FBXW7: variants seen among roughly 807,000 people sequenced by gnomAD.
FBXW7 encodes F-box/WD repeat-containing protein 7.
Under a neutral mutation model 86.3 loss-of-function variants are expected in FBXW7, and 11 were observed. The ratio of observed to expected loss-of-function variants is 0.13; its 90% CI spans 0.08 to 0.21. The LOEUF is 0.21. Among genes scored for constraint, FBXW7 ranks in the 10% least tolerant of loss-of-function variants. The pLI is 1.00. For synonymous variants in FBXW7, 313 were observed against 297.9 expected (o/e 1.05, Z -0.52); for missense variants, 488 against 847.4 (o/e 0.58, Z 5.27).
At chr4:152,461,902 C>T (rs1742985755) in intron 2 of FBXW7, among the ~76,000 whole-genome samples, 1 of 152,174 alleles carries the variant, frequency 6.6e-6, no homozygotes. Context: ...CAGCAAGGTC[C>T]TTGAATACTG....
chr4:152,422,868 C>T (rs188387887), intron 2 of FBXW7, among the ~76,000 whole-genome samples: 1 of 152,278 alleles, frequency 6.6e-6, no homozygotes, highest in African/African-American at 2.4e-5. Context: ...TTAATCTTGA[C>T]CATTTTTAAG....
At chr4:152,443,544 G>A (rs958074677) in intron 2 of FBXW7, among the ~76,000 whole-genome samples, 6 of 152,086 alleles carry the variant, frequency 3.9e-5, no homozygotes, top group Non-Finnish European at 7.4e-5. Context: ...TGTGCTTAAC[G>A]TGGCTACCCA....
At chr4:152,519,838 G>A (rs1748841828) in intron 2 of FBXW7, among the ~76,000 whole-genome samples, 1 of 152,124 alleles carries the variant, frequency 6.6e-6, no homozygotes, top group South Asian at 2.1e-4. Flanking sequence ...ATAGACCATG[G>A]AGTATGACAG....
chr4:152,330,772 A>G lies in FBXW7; in HGVS notation c.1082T>C (p.Ile361Thr). 1 of 1,612,644 alleles carries G rather than the reference A, an allele frequency of 6.2e-7. No homozygotes were observed. Among genetic ancestry groups the G allele is most frequent in the Non-Finnish European group, 8.5e-7 (1 of 1,178,930 alleles). ...WKSAYIRQHR[I>T]DTNWRRGELK... ...TTCTCCTCGCCTCCAGTTAGTATCA[A>G]TTCTGTGCTGTCTGATGTATGCACT... Residue 361 changes from isoleucine (I) to threonine (T), a missense_variant, in exon 9 of 14, where the codon ATT (isoleucine) becomes ACT (threonine). Around this residue, in one of 4 missense-constraint regions of FBXW7, gnomAD observed 57 missense variants for 62.8 expected, o/e 0.91. Coordinates refer to ENST00000281708, the MANE Select transcript of FBXW7 (RefSeq NM_001349798.2).
rs544752313 is a variant in FBXW7, at chr4:152,396,851, G to C, written c.501+14452C>G. On this transcript the variant is annotated intron_variant, in intron 4 of 13. Coordinates refer to ENST00000281708, the MANE Select transcript of FBXW7 (RefSeq NM_001349798.2). ...GGCATAAAAAATATTATCAGTTAGA[G>C]AATACTGTTTATCATAGCAGTGACT... Among the ~76,000 whole-genome samples the C allele has an allele frequency of 2.0e-5, 3 of 152,048 alleles. No individual in the cohort carries two copies. The South Asian group carries it at 6.2e-4, about 32-fold the overall frequency.
At position 152,446,770 on chromosome 4, in the gene FBXW7, A is replaced by G. The variant is rs544637486; in HGVS notation, c.-119-34241T>C. On this transcript the variant is annotated intron_variant, in intron 2 of 13. Coordinates refer to ENST00000281708, the MANE Select transcript of FBXW7 (RefSeq NM_001349798.2). ...TTCCTATTTGCTGAACCCATCATGA[A>G]AAGAAGCTGTCATAGACGGCACTCC... 3.9e-5 allele frequency among the ~76,000 whole-genome samples: 6 copies of G among 152,316 alleles called. No homozygotes were observed. The East Asian group carries it at 1.2e-3, about 29-fold the overall frequency.
At chr4:152,479,159 TC>T (rs1377429178) in intron 2 of FBXW7, among the ~76,000 whole-genome samples, 1 of 152,132 alleles carries the variant, frequency 6.6e-6, no homozygotes, top group Non-Finnish European at 1.5e-5. Context: ...AGCTGAGCTT[TC>T]ATCAATGGAG....
chr4:152,345,729 T>TA (rs1482168722), intron 6 of FBXW7, among the ~76,000 whole-genome samples: 1 of 152,112 alleles, frequency 6.6e-6, no homozygotes, highest in Non-Finnish European at 1.5e-5. Flanking sequence ...AAAAACCATT[T>TA]AAAAGCAATA....
chr4:152,379,348 C>T (rs1734846998), intron 4 of FBXW7, among the ~76,000 whole-genome samples: 1 of 151,900 alleles, frequency 6.6e-6, no homozygotes, highest in Non-Finnish European at 1.5e-5. Flanking sequence ...ACAACCAAGG[C>T]TTTTTTTAGT....
intron 2 of FBXW7, among the ~76,000 whole-genome samples, chr4:152,476,109 G>A (rs116562713): frequency 2.4e-4 from 37 of 152,232 alleles, no homozygotes; most frequent in African/African-American, 8.4e-4. Context: ...AGGCAATGAT[G>A]TATTAGCAAG....
intron 2 of FBXW7, among the ~76,000 whole-genome samples, chr4:152,424,927 T>A (rs745803706): frequency 6.6e-6 from 1 of 152,204 alleles, no homozygotes; most frequent in Non-Finnish European, 1.5e-5. Flanking sequence ...AGGTCACTGG[T>A]TGAGACATCA....
chr4:152,523,732 G>A (rs546939459), intron 2 of FBXW7, among the ~76,000 whole-genome samples: 4 of 152,320 alleles, frequency 2.6e-5, no homozygotes, highest in African/African-American at 9.6e-5. Flanking sequence ...CAAAAAGTAT[G>A]TAAAGGTTAA....
At chr4:152,428,695 G>C (rs1337878118) in intron 2 of FBXW7, among the ~76,000 whole-genome samples, 1 of 152,176 alleles carries the variant, frequency 6.6e-6, no homozygotes, top group Non-Finnish European at 1.5e-5. Flanking sequence ...GATTCAATAA[G>C]AGTTAATAAC....
chr4:152,379,553 C>G (rs958166717), intron 4 of FBXW7, among the ~76,000 whole-genome samples: 3 of 152,140 alleles, frequency 2.0e-5, no homozygotes, highest in Non-Finnish European at 2.9e-5. Context: ...AGGTCTCACT[C>G]TGTCACCCAA....
intron 8 of FBXW7, among the ~76,000 whole-genome samples, chr4:152,331,128 T>C (rs1197455739): frequency 6.6e-6 from 1 of 152,032 alleles, no homozygotes; most frequent in Non-Finnish European, 1.5e-5. Context: ...TGTGAGGAAA[T>C]TGGAATGCTT....
At chr4:152,351,296 C>T (rs1731788381) in intron 4 of FBXW7, among the ~76,000 whole-genome samples, 1 of 152,016 alleles carries the variant, frequency 6.6e-6, no homozygotes, top group African/African-American at 2.4e-5. Flanking sequence ...TTTTTGTCAT[C>T]ACGAAGAGTT....
At chr4:152,507,526 G>A (rs924582109) in intron 2 of FBXW7, among the ~76,000 whole-genome samples, 5 of 152,136 alleles carry the variant, frequency 3.3e-5, no homozygotes, top group Non-Finnish European at 5.9e-5. Context: ...AAGAATTACC[G>A]TGTATAAACT....
intron 2 of FBXW7, among the ~76,000 whole-genome samples, chr4:152,418,231 C>A (rs943846958): frequency 6.6e-6 from 1 of 151,070 alleles, no homozygotes; most frequent in Non-Finnish European, 1.5e-5. Flanking sequence ...TTAAAGAAAA[C>A]AGTAGGCTAC....
chr4:152,370,885 A>C (rs182771390), intron 4 of FBXW7, among the ~76,000 whole-genome samples: 141 of 152,036 alleles, frequency 9.3e-4, no homozygotes, highest in Non-Finnish European at 1.4e-3. Flanking sequence ...TAAATATATA[A>C]ACACAAGACA....
Sources: allele counts gnomAD v4.1 joint callset (sites outside exome capture counted in the v4.1 genomes callset), GRCh38; gene constraint gnomAD v4.1.1; regional missense constraint gnomAD v4.1.1; transcripts MANE v1.5; gene names NCBI Gene and HGNC (gene_info 2026-07-23, HGNC 2026-07-21).